Variants in UGGT2 observed in about 807,000 individuals in gnomAD.
UGGT2 encodes the protein UDP-glucose:glycoprotein glucosyltransferase 2.
A neutral mutation model predicts 192.1 loss-of-function variants in UGGT2; 180 were observed. The observed-to-expected ratio is 0.94, with a 90% CI of 0.83 to 1.06. The LOEUF is 1.06. UGGT2 is among the 50% of genes least tolerant of loss of function. UGGT2 has a pLI of 0.00. For missense variants in UGGT2, 1,849 were observed against 1,795.7 expected, an observed-to-expected ratio of 1.03 and a Z score of -0.54; for synonymous variants, 580 against 591.0, an observed-to-expected ratio of 0.98 and a Z score of 0.27.
intron 38 of UGGT2, among the ~76,000 whole-genome samples, chr13:95,815,649 G>A (rs911969780): frequency 2.0e-5 from 3 of 152,140 alleles, no homozygotes; most frequent in African/African-American, 7.2e-5. Flanking sequence ...TAAAACAAGA[G>A]TTGCAATCAA....
In UGGT2 at chr13:95,914,417, A is replaced by G. The variant is rs533263585; in HGVS notation, c.2295+11263T>C. The stretch of plus-strand genomic sequence containing the variant: ...ATTTGTCAATTTCCTTGGACAAGTG[A>G]AAAGTTACTATTTTGTTTTGACTTC... On this transcript the variant is annotated intron_variant, in intron 20 of 38. Transcript: ENST00000376747. 8.5e-5 allele frequency among the ~76,000 whole-genome samples: 13 copies of G among 152,124 alleles called. No homozygotes were observed. The East Asian group carries it at 2.5e-3, about 29-fold the overall frequency.
At chr13:95,975,715 A>G (rs187720169) in intron 10 of UGGT2, among the ~76,000 whole-genome samples, 115 of 152,322 alleles carry the variant, frequency 7.5e-4, no homozygotes, top group Admixed American at 1.6e-3. Context: ...GGATCTCAGA[A>G]GACTGGTTGA....
At chr13:95,817,363 T>C (rs779260960) in intron 38 of UGGT2, among the ~76,000 whole-genome samples, 9 of 152,130 alleles carry the variant, frequency 5.9e-5, no homozygotes, top group Non-Finnish European at 8.8e-5. Context: ...GGTAGGCAGA[T>C]TGCTTCAGGC....
chr13:95,871,987 G>GA (rs1357304693), intron 29 of UGGT2, among the ~76,000 whole-genome samples: 1 of 152,030 alleles, frequency 6.6e-6, no homozygotes, highest in Admixed American at 6.6e-5. Flanking sequence ...AAACATGGGA[G>GA]AAACAGTTCA....
At chr13:95,846,061 G>C (rs1029416435) in intron 36 of UGGT2, among the ~76,000 whole-genome samples, 2 of 152,192 alleles carry the variant, frequency 1.3e-5, no homozygotes, top group Non-Finnish European at 2.9e-5. Flanking sequence ...CACTTTGGGA[G>C]GGCAAGGCAG....
At chr13:95,947,665 G>A (rs992035841) in intron 14 of UGGT2, among the ~76,000 whole-genome samples, 3 of 147,094 alleles carry the variant, frequency 2.0e-5, no homozygotes, top group Non-Finnish European at 3.0e-5. Context: ...TGGCCAGGCT[G>A]GTCTTGAACC....
intron 12 of UGGT2, among the ~76,000 whole-genome samples, chr13:95,962,765 T>C (rs950256885): frequency 6.6e-6 from 1 of 152,102 alleles, no homozygotes; most frequent in African/African-American, 2.4e-5. Flanking sequence ...CAGGCCAATA[T>C]TCCTGATTGT....
intron 12 of UGGT2, among the ~76,000 whole-genome samples, chr13:95,957,552 G>C (rs758200858): frequency 6.6e-6 from 1 of 152,204 alleles, no homozygotes; most frequent in East Asian, 1.9e-4. Flanking sequence ...ATATCTGAAA[G>C]CTTGCCAGAA....
chr13:95,927,146 A>G lies in UGGT2; in HGVS notation c.2102-20T>C. 1 of 1,605,254 alleles carries G rather than the reference A, an allele frequency of 6.2e-7. No homozygotes were observed. The highest frequency in any genetic ancestry group is 8.5e-7 in the Non-Finnish European group (1 of 1,177,110). On this transcript the variant is annotated intron_variant, in intron 18 of 38. Transcript: ENST00000376747. ...CAGTTACTGAAAAATTTCAAATTAA[A>G]CGTTAAATATAAATAAAGAATTCAC...
At chr13:95,960,470 T>A (rs943581181) in intron 12 of UGGT2, among the ~76,000 whole-genome samples, 1 of 152,146 alleles carries the variant, frequency 6.6e-6, no homozygotes, top group African/African-American at 2.4e-5. Context: ...AATCTCAGAA[T>A]TTTAAGACAA....
Position 96,032,036 on chromosome 13 carries a change from T to G in UGGT2, c.159-65A>C, listed in dbSNP as rs1194196024. The G allele has an allele frequency of 1.0e-5, 12 of 1,190,614 alleles. No individual in the cohort carries two copies. The Admixed American group carries it at 1.1e-4, about 11-fold the overall frequency. 73.8% of individuals were successfully genotyped at this position (1,190,614 alleles called of 1,614,324 possible). A position where few individuals can be genotyped will look rare whatever the true frequency, so the allele number is the denominator to read the frequency against. ...TTAAAATGGTTTAGATACTATAAACTGTACTCAAGAACCAAATTATATCTA... is the reference window on the plus strand; with the variant it reads ...TTAAAATGGTTTAGATACTATAAACGGTACTCAAGAACCAAATTATATCTA... On this transcript the variant is annotated intron_variant, in intron 1 of 38. Coordinates refer to ENST00000376747, the MANE Select transcript of UGGT2 (RefSeq NM_020121.4).
chr13:95,898,831 T>G (rs1364646438), intron 22 of UGGT2, among the ~76,000 whole-genome samples: 1 of 152,198 alleles, frequency 6.6e-6, no homozygotes, highest in Non-Finnish European at 1.5e-5. Context: ...GCCTTGATCT[T>G]GGACTTCCCA....
chr13:95,922,348 A>G (rs1012467778), intron 20 of UGGT2, among the ~76,000 whole-genome samples: 3 of 152,188 alleles, frequency 2.0e-5, no homozygotes, highest in African/African-American at 7.2e-5. Flanking sequence ...AAAACTACCT[A>G]TCAGGTACTA....
intron 34 of UGGT2, among the ~76,000 whole-genome samples, chr13:95,854,827 C>T (rs1446745422): frequency 6.6e-6 from 1 of 151,964 alleles, no homozygotes; most frequent in Non-Finnish European, 1.5e-5. Flanking sequence ...GTATGAATAA[C>T]AAAATCATTC....
At chr13:95,862,539 A>C (rs1183170814) in intron 31 of UGGT2, among the ~76,000 whole-genome samples, 2 of 152,148 alleles carry the variant, frequency 1.3e-5, no homozygotes, top group African/African-American at 2.4e-5. Flanking sequence ...TAGGTGGGAC[A>C]GGGCTTCCCA....
intron 17 of UGGT2, among the ~76,000 whole-genome samples, chr13:95,930,704 G>A (rs777840053): frequency 4.6e-5 from 7 of 152,132 alleles, no homozygotes; most frequent in Non-Finnish European, 4.4e-5. Context: ...GTCCGGAATT[G>A]GTGGGTTCTT....
In UGGT2 at chr13:95,900,805, A is replaced by C; in HGVS notation, c.2634+2T>G. 2.5e-6 allele frequency: 4 copies of C among 1,603,878 alleles called. No individual in the cohort carries two copies. Among genetic ancestry groups the C allele is most frequent in the South Asian group, 1.1e-5 (1 of 89,440 alleles). On this transcript the variant is annotated splice_donor_variant, in intron 22 of 38. Transcript: ENST00000376747. LOFTEE classifies it high-confidence loss of function. ...AAGAGAGCAATAGCTTTTTCTACTTACTCTCCCATTGCTGACAATACCCAT... is the reference window on the plus strand; with the variant it reads ...AAGAGAGCAATAGCTTTTTCTACTTCCTCTCCCATTGCTGACAATACCCAT...
chr13:96,042,338 C>T (rs562143123), intron 1 of UGGT2, among the ~76,000 whole-genome samples: 5 of 152,136 alleles, frequency 3.3e-5, no homozygotes, highest in Non-Finnish European at 2.9e-5. Flanking sequence ...CAAGGGAACA[C>T]CTCTATGGGA....
At chr13:95,961,658 C>T (rs1193597096) in intron 12 of UGGT2, among the ~76,000 whole-genome samples, 1 of 152,098 alleles carries the variant, frequency 6.6e-6, no homozygotes, top group African/African-American at 2.4e-5. Context: ...TAGCTGGAAC[C>T]TTCAACACCC....
Sources: allele counts gnomAD v4.1 joint callset (sites outside exome capture counted in the v4.1 genomes callset), GRCh38; gene constraint gnomAD v4.1.1; transcripts MANE v1.5; gene names NCBI Gene and HGNC (gene_info 2026-07-23, HGNC 2026-07-21).